Variants in SUGCT observed in about 807,000 individuals in gnomAD.
SUGCT encodes the protein succinyl-CoA:glutarate CoA-transferase.
A neutral mutation model predicts 55.0 loss-of-function variants in SUGCT; 41 were observed. The ratio of observed to expected loss-of-function variants is 0.74; its 90% CI spans 0.58 to 0.97. SUGCT has a LOEUF of 0.97. SUGCT is among the 50% of genes least tolerant of loss of function. The pLI is 0.00. For missense variants in SUGCT, 568 were observed against 547.8 expected, an observed-to-expected ratio of 1.04 and a Z score of -0.37; for synonymous variants, 187 against 200.4, an observed-to-expected ratio of 0.93 and a Z score of 0.56.
chr7:40,324,412 T>C (rs11764519), intron 9 of SUGCT, among the ~76,000 whole-genome samples: 104,209 of 150,516 alleles, frequency 0.69, 36,392 homozygotes, highest in East Asian at 0.99. Context: ...TACGTCACCA[T>C]GCCAGGCTAA....
At chr7:40,189,760 T>C (rs915088470) in intron 5 of SUGCT, among the ~76,000 whole-genome samples, 166 bp downstream of exon 5, 1 of 152,182 alleles carries the variant, frequency 6.6e-6, no homozygotes, top group Non-Finnish European at 1.5e-5. Flanking sequence ...GTAAGTGTGA[T>C]GTGCTTTAAA....
chr7:40,793,600 G>A (rs920125227), intron 13 of SUGCT, among the ~76,000 whole-genome samples: 4 of 151,984 alleles, frequency 2.6e-5, no homozygotes, highest in African/African-American at 9.6e-5. Context: ...TGTTTTTGCA[G>A]TTTTACTAAA....
chr7:41,025,572 G>T, the SUGCT span, among the ~76,000 whole-genome samples: 1 of 152,026 alleles, frequency 6.6e-6, no homozygotes, highest in East Asian at 1.9e-4. Flanking sequence ...GGCCAGGCTG[G>T]TCTCGAACTC....
At chr7:40,499,953 A>G (rs112536323) in intron 12 of SUGCT, among the ~76,000 whole-genome samples, 200 of 152,322 alleles carry the variant, frequency 1.3e-3, no homozygotes, top group African/African-American at 4.4e-3. Flanking sequence ...ACTGAAACAC[A>G]CTTAAAAGAA....
In SUGCT at chr7:40,654,880, G is replaced by A. The variant is rs112084325; in HGVS notation, c.1090-94554G>A. Among the ~76,000 whole-genome samples, 677 of 152,114 alleles carry A rather than the reference G, an allele frequency of 4.5e-3. 4 individuals are homozygous for A. The highest frequency in any genetic ancestry group is 0.015 in the African/African-American group (615 of 41,500). On this transcript the variant is annotated intron_variant, in intron 12 of 13. Transcript: ENST00000335693. ...TTACGTCTGCACACAGATTCAAGTGGGGGAAAATAGACAATACAATTAGAG... is the reference window on the plus strand; with the variant it reads ...TTACGTCTGCACACAGATTCAAGTGAGGGAAAATAGACAATACAATTAGAG...
At chr7:40,434,386 T>C (rs1788060396) in intron 9 of SUGCT, among the ~76,000 whole-genome samples, 1 of 152,174 alleles carries the variant, frequency 6.6e-6, no homozygotes, top group African/African-American at 2.4e-5. Context: ...TTCTGTTGAA[T>C]AAGGCTGGTC....
intron 1 of SUGCT, among the ~76,000 whole-genome samples, chr7:40,163,634 A>G (rs1459031715): frequency 5.3e-5 from 8 of 151,444 alleles, no homozygotes. Context: ...AGGTTATTAT[A>G]TAATATCTAG....
At chr7:40,271,582 T>C (rs1005052184) in intron 7 of SUGCT, among the ~76,000 whole-genome samples, 1 of 152,200 alleles carries the variant, frequency 6.6e-6, no homozygotes. Flanking sequence ...TGTACATGTT[T>C]TCAGGGTTCA....
intron 11 of SUGCT, among the ~76,000 whole-genome samples, chr7:40,480,568 G>A (rs1001590354): frequency 1.3e-5 from 2 of 152,010 alleles, no homozygotes. Flanking sequence ...TTGACATTTT[G>A]ATAGGGTTTA....
At chr7:40,281,069 G>T (rs1225795482) in intron 8 of SUGCT, among the ~76,000 whole-genome samples, 2 of 152,136 alleles carry the variant, frequency 1.3e-5, no homozygotes, top group African/African-American at 4.8e-5. Context: ...TAAAGATGAA[G>T]ATAATTCATT....
rs563957912 is a variant in SUGCT, at chr7:40,648,909, G to T, written c.1090-100525G>T. Among the ~76,000 whole-genome samples the T allele has an allele frequency of 1.4e-4, 21 of 152,226 alleles. 1 individual carries two copies. The South Asian group carries it at 4.2e-3, about 30-fold the overall frequency. ...GGGAGGATACATTTTTGTGTTTTAA[G>T]CCGCCTAGTTTGAGGCAATTTGTTA... On this transcript the variant is annotated intron_variant, in intron 12 of 13. Transcript: ENST00000335693.
At chr7:41,001,907 A>G in the SUGCT span, among the ~76,000 whole-genome samples, 1 of 152,258 alleles carries the variant, frequency 6.6e-6, no homozygotes, top group African/African-American at 2.4e-5. Context: ...GGAATACAGT[A>G]TACAGAAAGA....
chr7:40,636,903 A>G lies in SUGCT; in HGVS notation c.1090-112531A>G, dbSNP rs561996336. On this transcript the variant is annotated intron_variant, in intron 12 of 13. Transcript: ENST00000335693. ...GTATGTCCCCAAAATATTCAGAAAG[A>G]TATCCCTAACCCCTCCTTTCCCGGC... is the stretch of plus-strand genomic sequence containing the variant. Among the ~76,000 whole-genome samples the G allele has an allele frequency of 2.2e-4, 34 of 152,358 alleles. 2 individuals carry two copies. The South Asian group carries it at 5.2e-3, about 23-fold the overall frequency.
intron 1 of SUGCT, among the ~76,000 whole-genome samples, chr7:40,178,912 T>C (rs1785049595): frequency 6.6e-6 from 1 of 152,214 alleles, no homozygotes; most frequent in Admixed American, 6.5e-5. Flanking sequence ...TTTTCTTACC[T>C]TTTCTCCATT....
chr7:40,518,637 T>A (rs1793373838), intron 12 of SUGCT, among the ~76,000 whole-genome samples: 1 of 152,104 alleles, frequency 6.6e-6, no homozygotes, highest in Non-Finnish European at 1.5e-5. Context: ...CTTATGTAGC[T>A]CCCAGATCTT....
chr7:40,766,438 G>C (rs148699381), intron 13 of SUGCT, among the ~76,000 whole-genome samples: 2,330 of 152,216 alleles, frequency 0.015, 49 homozygotes, highest in African/African-American at 0.053. Context: ...TCGAACTCCT[G>C]ACCTCAGGTG....
chr7:40,901,268 G>C, the SUGCT span, among the ~76,000 whole-genome samples: 1 of 152,200 alleles, frequency 6.6e-6, no homozygotes, highest in Non-Finnish European at 1.5e-5. Context: ...CAGGCTAGCA[G>C]CGAAGAAAAC....
Position 40,496,305 on chromosome 7 carries a change from C to A in SUGCT, c.1008C>A (p.Ser336Arg), listed in dbSNP as rs369135278. The change falls in exon 12 of 14, where the codon AGC (serine) becomes AGA (arginine). Residue 336 changes from serine (S) to arginine (R), a missense_variant. Transcript: ENST00000335693. ...TTAGGTTTGAAGAAGAACTGACCAG[C>A]AAGTGGTTATATCTTTTTGAAGGCA... ...LSERFEEELT[S>R]KWLYLFEGSG... 3 of 1,612,442 alleles carry A rather than the reference C, an allele frequency of 1.9e-6. No homozygotes were observed. The highest frequency in any genetic ancestry group is 2.5e-6 in the Non-Finnish European group (3 of 1,179,048).
chr7:40,303,073 A>G (rs1489181708), intron 8 of SUGCT, among the ~76,000 whole-genome samples: 1 of 151,682 alleles, frequency 6.6e-6, no homozygotes, highest in Admixed American at 6.6e-5. Flanking sequence ...TTGCCCTGTC[A>G]CCCAGGCTGG....
Sources: gnomAD v4.1 joint callset for allele counts (sites outside exome capture counted in the v4.1 genomes callset) on GRCh38, gnomAD v4.1.1 for gene constraint, MANE v1.5 for transcripts, NCBI Gene and HGNC (gene_info 2026-07-23, HGNC 2026-07-21) for gene names.